The following PCDHGA10 variants were observed in gnomAD, a reference collection of about 807,000 sequenced individuals.
PCDHGA10 encodes protocadherin gamma-A10.
In PCDHGA10, 42 loss-of-function variants were observed where a neutral mutation model predicts 59.5. The ratio of observed to expected loss-of-function variants is 0.71; its 90% confidence interval spans 0.55 to 0.91. The LOEUF (loss-of-function observed/expected upper bound fraction) is 0.91. PCDHGA10 is among the 40% of genes least tolerant of loss of function. PCDHGA10 has a pLI of 0.00. For missense variants in PCDHGA10, 1,111 were observed against 1,198.2 expected (o/e 0.93, Z 1.07); for synonymous variants, 511 against 517.2 (o/e 0.99, Z 0.16).
Position 141,414,283 on chromosome 5 carries a change from G to A in PCDHGA10, c.1108G>A (p.Val370Ile). The change falls in exon 1 of 4, where the codon GTA becomes ATA. Residue 370 changes from valine to isoleucine, a missense_variant. By Grantham distance (29) the Val-to-Ile change is conservative. Coordinates refer to ENST00000398610, the MANE Select transcript of PCDHGA10 (RefSeq NM_018913.3). ...TGAAGATTCACCTCTGGGAACAGTCGTAGCCCTTTTAAATGTGCATGATTT... is the reference window on the plus strand; with the variant it reads ...TGAAGATTCACCTCTGGGAACAGTCATAGCCCTTTTAAATGTGCATGATTT... ...VTEDSPLGTV[V>I]ALLNVHDLDS... is the part of the protein sequence containing the mutation. 1 of 1,613,520 alleles carries A rather than the reference G, an allele frequency of 6.2e-7. No homozygotes were observed. Among genetic ancestry groups the A allele is most frequent in the South Asian group, 1.1e-5 (1 of 91,016 alleles).
intron 1 of PCDHGA10, among the ~76,000 whole-genome samples, chr5:141,474,588 A>G (rs2099351676): frequency 6.6e-6 from 1 of 152,258 alleles, no homozygotes; most frequent in Non-Finnish European, 1.5e-5. Context: ...TGTTAAAGAC[A>G]TGGAAATATA....
intron 1 of PCDHGA10, among the ~76,000 whole-genome samples, chr5:141,455,574 C>T (rs1214642742): frequency 6.6e-6 from 1 of 152,158 alleles, no homozygotes; most frequent in Non-Finnish European, 1.5e-5. Flanking sequence ...CCTCCCACCC[C>T]AGCCTTTTAA....
In PCDHGA10 at chr5:141,415,215, C is replaced by A; in HGVS notation, c.2040C>A (p.Gly680=). Residue 680 remains glycine, a synonymous_variant, in exon 1 of 4, where the codon GGC becomes GGA. Coordinates refer to ENST00000398610, the MANE Select transcript of PCDHGA10 (RefSeq NM_018913.3). ...DSIPQVLADL[G]SFESPANSET... ...TCCCCCAAGTCCTGGCGGACCTCGGCAGCTTCGAGTCTCCAGCTAACTCTG... is the reference window on the plus strand; with the variant it reads ...TCCCCCAAGTCCTGGCGGACCTCGGAAGCTTCGAGTCTCCAGCTAACTCTG... The A allele has an allele frequency of 6.2e-7, 1 of 1,614,106 alleles. No individual in the cohort carries two copies. The highest frequency in any genetic ancestry group is 1.1e-5 in the South Asian group (1 of 91,088).
chr5:141,482,429 A>G (rs955366858), intron 1 of PCDHGA10, among the ~76,000 whole-genome samples: 1 of 151,366 alleles, frequency 6.6e-6, no homozygotes, highest in African/African-American at 2.4e-5. Flanking sequence ...AAAAATGATA[A>G]TACTGATATT....
chr5:141,446,639 G>C (rs1461520959), intron 1 of PCDHGA10, among the ~76,000 whole-genome samples: 1 of 152,116 alleles, frequency 6.6e-6, no homozygotes, highest in Non-Finnish European at 1.5e-5. Context: ...ACCACGCCTG[G>C]CTAATTTTTG....
chr5:141,438,597 T>C (rs1343540280), intron 1 of PCDHGA10, among the ~76,000 whole-genome samples: 20 of 38,918 alleles, frequency 5.1e-4, no homozygotes, highest in African/African-American at 1.6e-3. Flanking sequence ...CATACATATA[T>C]ATATATATAT....
chr5:141,446,797 A>G lies in PCDHGA10; in HGVS notation c.2436+31186A>G, dbSNP rs559881142. ...CCATTCTTTTACTCTGAGTTCTTCC[A>G]TTGTGATCATCTAGTCAGATGGGTA... is the stretch of plus-strand genomic sequence containing the variant. On this transcript the variant is annotated intron_variant, in intron 1 of 3. Coordinates refer to ENST00000398610, the MANE Select transcript of PCDHGA10 (RefSeq NM_018913.3). Among the ~76,000 whole-genome samples, 48 of 152,224 alleles carry G rather than the reference A, an allele frequency of 3.2e-4. No individual in the cohort carries two copies. In the South Asian group the frequency reaches 7.3e-3, roughly 23 times the overall value.
At position 141,485,675 on chromosome 5, in the gene PCDHGA10, A is replaced by C. The variant is rs1562106929; in HGVS notation, c.2437-9132A>C. 6.2e-7 allele frequency: 1 copy of C among 1,613,068 alleles called. No homozygotes were observed. The highest frequency in any genetic ancestry group is 8.5e-7 in the Non-Finnish European group (1 of 1,179,150). On this transcript the variant is annotated intron_variant, in intron 1 of 3. Coordinates refer to ENST00000398610, the MANE Select transcript of PCDHGA10 (RefSeq NM_018913.3). The surrounding 1 kb of genome is among the most constrained non-coding windows in gnomAD (Gnocchi z 5.7). ...TGCAGATGTGGGGAGCAATTCGATT[A>C]GCAGCTATAGGCTGAGCTCCAATGA...
At position 141,413,863 on chromosome 5, in the gene PCDHGA10, G is replaced by T; in HGVS notation, c.688G>T (p.Val230Phe). ...DGGDPLRSGT[V>F]LVSVTVFDAN... is the part of the protein sequence containing the mutation. ...GGGTGACCCTCTCCGATCTGGCACT[G>T]TCCTTGTCAGTGTGACTGTCTTCGA... The change falls in exon 1 of 4, where the codon GTC (valine) becomes TTC (phenylalanine). Residue 230 changes from valine to phenylalanine, a missense_variant. Transcript: ENST00000398610. 1 of 1,613,356 alleles carries T rather than the reference G, an allele frequency of 6.2e-7. No homozygotes were observed. Among genetic ancestry groups the T allele is most frequent in the Non-Finnish European group, 8.5e-7 (1 of 1,179,876 alleles).
chr5:141,413,218 A>C lies in PCDHGA10; in HGVS notation c.43A>C (p.Ser15Arg). 6.2e-7 allele frequency: 1 copy of C among 1,613,610 alleles called. No individual in the cohort carries two copies. Among genetic ancestry groups the C allele is most frequent in the Non-Finnish European group, 8.5e-7 (1 of 1,179,716 alleles). Reference protein sequence around the residue: ...RNRSKESKDCSGLVLLCLFFG... With the variant: ...RNRSKESKDCRGLVLLCLFFG... ...TCGCTCAAAGGAATCAAAGGATTGCAGCGGGCTGGTCCTGCTCTGCCTTTT... is the reference window on the plus strand; with the variant it reads ...TCGCTCAAAGGAATCAAAGGATTGCCGCGGGCTGGTCCTGCTCTGCCTTTT... Residue 15 changes from serine (S) to arginine (R), a missense_variant, in exon 1 of 4, where the codon AGC becomes CGC. Ser to Arg is a moderately radical substitution (Grantham distance 110). Coordinates refer to ENST00000398610, the MANE Select transcript of PCDHGA10 (RefSeq NM_018913.3).
Position 141,485,166 on chromosome 5 carries a change from C to T in PCDHGA10, c.2437-9641C>T, listed in dbSNP as rs1180453938. 2 of 1,606,374 alleles carry T rather than the reference C, an allele frequency of 1.2e-6. No individual in the cohort carries two copies. Among genetic ancestry groups the T allele is most frequent in the Non-Finnish European group, 8.5e-7 (1 of 1,174,214 alleles). ...CAGGAGCAAGTAGAGAATTAGCGGG[C>T]GGCAGCAATGCTCCGCAAGGTGAGA... On this transcript the variant is annotated intron_variant, in intron 1 of 3. Transcript: ENST00000398610. The surrounding 1 kb of genome is among the most constrained non-coding windows in gnomAD (Gnocchi z 5.7).
In PCDHGA10 at chr5:141,432,958, A is replaced by C; in HGVS notation, c.2436+17347A>C. 6.2e-7 allele frequency: 1 copy of C among 1,614,182 alleles called. No individual in the cohort carries two copies. Among genetic ancestry groups the C allele is most frequent in the African/African-American group, 1.3e-5 (1 of 75,056 alleles). On this transcript the variant is annotated intron_variant, in intron 1 of 3. Transcript: ENST00000398610. This position sits in a 1 kb window ranked among gnomAD's most constrained non-coding sequence, Gnocchi z 6.0. ...TGCAGGCTTCAGGAGGCGGCTTGAC[A>C]GGAGCGCCGGCGTCGCACTTTGTGG...
intron 1 of PCDHGA10, among the ~76,000 whole-genome samples, chr5:141,481,790 A>C (rs2154579313): frequency 6.6e-6 from 1 of 152,222 alleles, no homozygotes; most frequent in East Asian, 1.9e-4. Flanking sequence ...CGTCTCTACT[A>C]AAAATACAAA....
At chr5:141,421,767 C>T in intron 1 of PCDHGA10, 2 of 1,613,906 alleles carry the variant, frequency 1.2e-6, no homozygotes, top group South Asian at 1.1e-5. Context: ...ATTACTTTTC[C>T]TTGCAACTGC....
In PCDHGA10 at chr5:141,421,780, G is replaced by A. The variant is rs1259671007; in HGVS notation, c.2436+6169G>A. On this transcript the variant is annotated intron_variant, in intron 1 of 3. Coordinates refer to ENST00000398610, the MANE Select transcript of PCDHGA10 (RefSeq NM_018913.3). ...TAATTACTTTTCCTTGCAACTGCGGGGCAGAACGGATGGGGCCAAGAATCC... is the reference window on the plus strand; with the variant it reads ...TAATTACTTTTCCTTGCAACTGCGGAGCAGAACGGATGGGGCCAAGAATCC... The A allele has an allele frequency of 2.5e-6, 4 of 1,613,856 alleles. No homozygotes were observed. In the South Asian group the frequency reaches 4.4e-5, roughly 18 times the overall value.
At chr5:141,467,344 C>A (rs2099142230) in intron 1 of PCDHGA10, among the ~76,000 whole-genome samples, 1 of 152,122 alleles carries the variant, frequency 6.6e-6, no homozygotes, top group South Asian at 2.1e-4. Flanking sequence ...TAAGCCACTG[C>A]CCCCGGCCAA....
chr5:141,423,330 C>T (rs932335651), intron 1 of PCDHGA10: 2 of 1,614,174 alleles, frequency 1.2e-6, no homozygotes, highest in Non-Finnish European at 1.7e-6. Flanking sequence ...TGGCCGCAGT[C>T]TCCTGCATCT....
At chr5:141,460,795 G>A (rs1007673184) in intron 1 of PCDHGA10, among the ~76,000 whole-genome samples, 3 of 151,492 alleles carry the variant, frequency 2.0e-5, no homozygotes, top group African/African-American at 4.9e-5. Flanking sequence ...TACACACAAA[G>A]TATATATATG....
chr5:141,463,990 G>C (rs2099073582), intron 1 of PCDHGA10, among the ~76,000 whole-genome samples: 1 of 151,990 alleles, frequency 6.6e-6, no homozygotes, highest in Admixed American at 6.6e-5. Context: ...TAAAAACCAG[G>C]TGCAGTGGCT....
Sources: allele counts gnomAD v4.1 joint callset (sites outside exome capture counted in the v4.1 genomes callset), GRCh38; gene constraint gnomAD v4.1.1; non-coding constraint Gnocchi (gnomAD v3.1); transcripts MANE v1.5; gene names NCBI Gene and HGNC (gene_info 2026-07-23, HGNC 2026-07-21).